GRHL2: variants seen among roughly 807,000 people sequenced by gnomAD.
GRHL2 encodes the protein grainyhead like transcription factor 2.
In GRHL2, 21 loss-of-function variants were observed where a neutral mutation model predicts 83.8. The ratio of observed to expected loss-of-function variants is 0.25; its 90% CI spans 0.18 to 0.36. GRHL2 has a LOEUF of 0.36. Ranked by LOEUF, GRHL2 falls within the 10% of genes least tolerant of loss-of-function variation. GRHL2 has a pLI of 1.00. For missense variants in GRHL2, 623 were observed against 781.8 expected (o/e 0.80, Z 2.42); for synonymous variants, 280 against 278.9 (o/e 1.00, Z -0.04).
chr8:101,633,464 C>G (rs1194453858), intron 11 of GRHL2, among the ~76,000 whole-genome samples: 1 of 152,134 alleles, frequency 6.6e-6, no homozygotes, highest in African/African-American at 2.4e-5. Flanking sequence ...ACTGGCTTTA[C>G]TTTCTCTTTT....
intron 7 of GRHL2, among the ~76,000 whole-genome samples, chr8:101,580,523 G>C (rs1028021519): frequency 1.9e-4 from 15 of 78,348 alleles, no homozygotes; most frequent in South Asian, 6.3e-4. Context: ...CCAAAGTGCT[G>C]GGATTACAGG....
chr8:101,549,436 G>A (rs1310764339), intron 2 of GRHL2, among the ~76,000 whole-genome samples: 1 of 152,154 alleles, frequency 6.6e-6, no homozygotes, highest in Admixed American at 6.5e-5. Flanking sequence ...TGAAATGAAG[G>A]AGAGGAGAGA....
intron 14 of GRHL2, among the ~76,000 whole-genome samples, chr8:101,653,429 G>A (rs1179807449): frequency 6.6e-6 from 1 of 152,000 alleles, no homozygotes; most frequent in Non-Finnish European, 1.5e-5. Context: ...CACAAACATA[G>A]TCCCCTACTC....
At chr8:101,515,143 A>G (rs898420668) in intron 1 of GRHL2, among the ~76,000 whole-genome samples, 1 of 131,584 alleles carries the variant, frequency 7.6e-6, no homozygotes, top group African/African-American at 3.0e-5. Flanking sequence ...AATAGACTCA[A>G]CTCCCTCTCT....
intron 1 of GRHL2, among the ~76,000 whole-genome samples, chr8:101,531,987 A>G (rs1810938551): frequency 6.6e-6 from 1 of 152,222 alleles, no homozygotes; most frequent in African/African-American, 2.4e-5. Flanking sequence ...TAATATTTTC[A>G]CTGAATTAAT....
intron 1 of GRHL2, among the ~76,000 whole-genome samples, chr8:101,541,705 G>C (rs375438651): frequency 6.6e-6 from 1 of 152,118 alleles, no homozygotes; most frequent in South Asian, 2.1e-4. Flanking sequence ...TAGGAGAGAA[G>C]TGACCAAACC....
chr8:101,617,565 C>T (rs187755684), intron 8 of GRHL2, among the ~76,000 whole-genome samples: 62 of 152,210 alleles, frequency 4.1e-4, no homozygotes, highest in Admixed American at 3.3e-3. Flanking sequence ...AGTGTAGTGG[C>T]GCAGTCTCAG....
chr8:101,580,524 G>T (rs950666106), intron 7 of GRHL2, among the ~76,000 whole-genome samples: 1 of 78,366 alleles, frequency 1.3e-5, no homozygotes, highest in Non-Finnish European at 2.9e-5. Flanking sequence ...CAAAGTGCTG[G>T]GATTACAGGC....
intron 1 of GRHL2, among the ~76,000 whole-genome samples, chr8:101,539,263 G>T (rs989865415): frequency 2.0e-5 from 3 of 152,196 alleles, no homozygotes; most frequent in Non-Finnish European, 4.4e-5. Context: ...CGTCTCTGAG[G>T]CATGACAGAG....
intron 7 of GRHL2, among the ~76,000 whole-genome samples, chr8:101,584,170 T>A (rs987614102): frequency 4.6e-5 from 7 of 152,218 alleles, no homozygotes; most frequent in Admixed American, 4.6e-4. Flanking sequence ...TATCAGGATT[T>A]ATTAGTTACA....
intron 9 of GRHL2, among the ~76,000 whole-genome samples, chr8:101,624,837 C>T (rs898099344): frequency 6.6e-6 from 1 of 152,090 alleles, no homozygotes; most frequent in African/African-American, 2.4e-5. Context: ...CCCAGAGACA[C>T]ACAGTGGGAA....
chr8:101,492,730 G>A lies in GRHL2; in HGVS notation c.-40G>A. Reference sequence around the variant, plus strand: ...TGAAAGTCCAGTTTCACCAGAGGCTGAGGCTCCAGGAAAAGCGGAGCAAGT... The same window carrying A: ...TGAAAGTCCAGTTTCACCAGAGGCTAAGGCTCCAGGAAAAGCGGAGCAAGT... On this transcript the variant is annotated 5_prime_UTR_variant, in exon 1 of 16. Transcript: ENST00000646743. 6.2e-7 allele frequency: 1 copy of A among 1,600,940 alleles called. No individual in the cohort carries two copies. The highest frequency in any genetic ancestry group is 8.6e-7 in the Non-Finnish European group (1 of 1,168,022).
At chr8:101,559,694 T>C (rs181146779) in intron 4 of GRHL2, among the ~76,000 whole-genome samples, 90 of 152,306 alleles carry the variant, frequency 5.9e-4, no homozygotes, top group African/African-American at 2.1e-3. Flanking sequence ...TAGGACTAAC[T>C]TTGCTTGTTT....
chr8:101,652,349 G>GTGTGT lies in GRHL2; in HGVS notation c.1698+2850_1698+2851insTGTGT, dbSNP rs753862872. Among the ~76,000 whole-genome samples the GTGTGT allele has an allele frequency of 6.4e-5, 4 of 62,524 alleles. No homozygotes were observed. The East Asian group carries it at 1.9e-3, about 30-fold the overall frequency. The allele number at this position is 62,524 out of a possible 152,430, so 41.0% of individuals were successfully genotyped here. A position where few individuals can be genotyped will look rare whatever the true frequency, so the allele number is the denominator to read the frequency against. Reference sequence around the variant, plus strand: ...GTGTGTGGTGTGTGTGTATGTGTGTGGTGTGTGTGGTGTGTGTGTGTCTGA... The same window carrying GTGTGT: ...GTGTGTGGTGTGTGTGTATGTGTGTGTGTGTGTGTGTGTGGTGTGTGTGTGTCTGA... On this transcript the variant is annotated intron_variant, in intron 14 of 15. Transcript: ENST00000646743.
At chr8:101,591,299 T>C (rs1401019218) in intron 7 of GRHL2, among the ~76,000 whole-genome samples, 1 of 152,168 alleles carries the variant, frequency 6.6e-6, no homozygotes, top group African/African-American at 2.4e-5. Context: ...TTTATCATCA[T>C]TTCCCCAACA....
downstream of GRHL2, among the ~76,000 whole-genome samples, chr8:101,674,075 T>G (rs1814252295): frequency 6.6e-6 from 1 of 152,012 alleles, no homozygotes; most frequent in African/African-American, 2.4e-5. Context: ...GAGGGAAATT[T>G]ATAGCACTAA....
downstream of GRHL2, among the ~76,000 whole-genome samples, chr8:101,671,619 A>G (rs1814211705): frequency 6.6e-6 from 1 of 152,212 alleles, no homozygotes; most frequent in Non-Finnish European, 1.5e-5. Context: ...GGCAGGGCAC[A>G]GACAAACAAA....
At chr8:101,568,102 T>A (rs1172810057) in intron 4 of GRHL2, among the ~76,000 whole-genome samples, 3 of 152,244 alleles carry the variant, frequency 2.0e-5, no homozygotes, top group Admixed American at 1.3e-4. Context: ...AAATTTTTTT[T>A]AATACTATCC....
chr8:101,671,733 T>C (rs1814213306), downstream of GRHL2, among the ~76,000 whole-genome samples: 1 of 152,210 alleles, frequency 6.6e-6, no homozygotes, highest in African/African-American at 2.4e-5. Flanking sequence ...ACGGGCAGAC[T>C]GCCTCCTCAA....
Sources: gnomAD v4.1 joint callset for allele counts (sites outside exome capture counted in the v4.1 genomes callset) on GRCh38, gnomAD v4.1.1 for gene constraint, MANE v1.5 for transcripts, NCBI Gene and HGNC (gene_info 2026-07-23, HGNC 2026-07-21) for gene names.